The following CADPS2 variants were observed in gnomAD, a reference collection of about 807,000 sequenced individuals.
CADPS2 encodes the protein calcium dependent secretion activator 2.
Under a neutral mutation model 172.5 loss-of-function variants are expected in CADPS2, and 93 were observed. That is an observed-to-expected ratio of 0.54 (90% CI 0.46 to 0.64). The LOEUF is 0.64. Among genes scored for constraint, CADPS2 ranks in the 30% least tolerant of loss-of-function variants. CADPS2 has a pLI of 0.00. For synonymous variants in CADPS2, 546 were observed against 555.2 expected (o/e 0.98, Z 0.23); for missense variants, 1,420 against 1,565.9 (o/e 0.91, Z 1.57).
chr7:122,814,874 T>C (rs1343549535), intron 1 of CADPS2, among the ~76,000 whole-genome samples: 1 of 152,164 alleles, frequency 6.6e-6, no homozygotes, highest in East Asian at 1.9e-4. Context: ...ATGTACATTG[T>C]TTCATTAAAT....
intron 5 of CADPS2, 114 bp downstream of exon 5, chr7:122,621,367 C>A: frequency 1.4e-6 from 1 of 711,870 alleles, no homozygotes; most frequent in South Asian, 2.0e-5. Flanking sequence ...AATTTAACAT[C>A]TCCAACATAT....
chr7:122,584,161 T>C (rs1000680453), intron 6 of CADPS2, among the ~76,000 whole-genome samples: 3 of 151,556 alleles, frequency 2.0e-5, no homozygotes, highest in African/African-American at 4.8e-5. Context: ...ATTTTTATTA[T>C]CTGAAAGAGT....
At chr7:122,445,053 C>G (rs2051964133) in intron 15 of CADPS2, among the ~76,000 whole-genome samples, 1 of 152,186 alleles carries the variant, frequency 6.6e-6, no homozygotes, top group Non-Finnish European at 1.5e-5. Flanking sequence ...TGAAAATCAA[C>G]AGACCATATA....
intron 1 of CADPS2, among the ~76,000 whole-genome samples, chr7:122,872,568 C>T (rs938694382): frequency 1.3e-5 from 2 of 151,978 alleles, no homozygotes; most frequent in African/African-American, 4.8e-5. Context: ...AAAGTGTAGG[C>T]TAAAGTTGTC....
chr7:122,622,710 G>A lies in CADPS2; in HGVS notation c.868-993C>T, dbSNP rs142029135. ...TAAGCCTAGTTTAAAATGACCACCA[G>A]TGCACAGAACCGGCTGGAGGATGAA... On this transcript the variant is annotated intron_variant, in intron 4 of 29. Transcript: ENST00000449022. 2.0e-3 allele frequency among the ~76,000 whole-genome samples: 301 copies of A among 152,288 alleles called. 1 individual carries two copies. The highest frequency in any genetic ancestry group is 0.014 in the Middle Eastern group (4 of 294).
intron 23 of CADPS2, 105 bp downstream of exon 23, chr7:122,388,478 G>T: frequency 8.9e-7 from 1 of 1,117,840 alleles, no homozygotes; most frequent in Non-Finnish European, 1.2e-6. Flanking sequence ...GAATAGTGGT[G>T]CATAATGAAA....
At chr7:122,551,360 T>C (rs2064263297) in intron 8 of CADPS2, among the ~76,000 whole-genome samples, 1 of 152,070 alleles carries the variant, frequency 6.6e-6, no homozygotes, top group Non-Finnish European at 1.5e-5. Context: ...TTAATATCTA[T>C]CTCTGATTAT....
chr7:122,615,176 C>T lies in CADPS2; in HGVS notation c.1223+5G>A. 1 of 1,499,262 alleles carries T rather than the reference C, an allele frequency of 6.7e-7. No individual in the cohort carries two copies. Among genetic ancestry groups the T allele is most frequent in the Non-Finnish European group, 9.0e-7 (1 of 1,107,060 alleles). The allele number at this position is 1,499,262 out of a possible 1,614,324, so 92.9% of individuals were successfully genotyped here. On this transcript the variant is annotated splice_donor_5th_base_variant and intron_variant, in intron 6 of 29. Transcript: ENST00000449022. ...ACAATAATACACTTTTTTCAACTGG[C>T]TTACTGTGGCCTTGAGGCTTCGGCC...
intron 27 of CADPS2, among the ~76,000 whole-genome samples, chr7:122,353,564 G>A (rs561200771): frequency 6.6e-6 from 1 of 152,284 alleles, no homozygotes; most frequent in East Asian, 1.9e-4. Flanking sequence ...GAGTTGGTAT[G>A]CAGCGTGTGT....
At chr7:122,396,105 T>C (rs1020090295) in intron 20 of CADPS2, among the ~76,000 whole-genome samples, 3 of 152,100 alleles carry the variant, frequency 2.0e-5, no homozygotes, top group Non-Finnish European at 2.9e-5. Flanking sequence ...CTACTGCGCC[T>C]GGCTAGAACT....
At chr7:122,813,307 A>C (rs1239506204) in intron 1 of CADPS2, among the ~76,000 whole-genome samples, 1 of 152,102 alleles carries the variant, frequency 6.6e-6, no homozygotes, top group African/African-American at 2.4e-5. Flanking sequence ...GAAAAGGAAC[A>C]AACACTTTAA....
At position 122,615,262 on chromosome 7, in the gene CADPS2, G is replaced by C. The variant is rs1462475829; in HGVS notation, c.1142C>G (p.Ala381Gly). 1 of 1,554,402 alleles carries C rather than the reference G, an allele frequency of 6.4e-7. No homozygotes were observed. Among genetic ancestry groups the C allele is most frequent in the South Asian group, 1.2e-5 (1 of 83,992 alleles). ...IMEVQGLKSV[A>G]PNRIVYCTME... The stretch of plus-strand genomic sequence containing the variant: ...TGTACAGTAAACAATTCGATTGGGA[G>C]CAACTGACTTCAGGCCTTGCACTTC... The change falls in exon 6 of 30, where the codon GCT (alanine) becomes GGT (glycine). Residue 381 changes from alanine to glycine, a missense_variant. Ala to Gly is a moderately conservative substitution (Grantham distance 60, BLOSUM62 0). Coordinates refer to ENST00000449022, the MANE Select transcript of CADPS2 (RefSeq NM_017954.11).
At position 122,707,051 on chromosome 7, in the gene CADPS2, T is replaced by C. The variant is rs1026556572; in HGVS notation, c.453+29904A>G. ...AAGGGTGAAGATTTGAATGCTGTGTTACTAAGGGGAAAGACATGAACCAGA... is the reference window on the plus strand; with the variant it reads ...AAGGGTGAAGATTTGAATGCTGTGTCACTAAGGGGAAAGACATGAACCAGA... On this transcript the variant is annotated intron_variant, in intron 2 of 29. Transcript: ENST00000449022. Among the ~76,000 whole-genome samples the C allele has an allele frequency of 7.2e-5, 11 of 151,774 alleles. 1 individual carries two copies. In the Admixed American group the frequency reaches 7.3e-4, roughly 10 times the overall value.
intron 3 of CADPS2, among the ~76,000 whole-genome samples, chr7:122,638,928 G>A (rs1396301554): frequency 2.0e-5 from 3 of 152,090 alleles, no homozygotes; most frequent in African/African-American, 4.8e-5. Flanking sequence ...TCCTCTCCAC[G>A]AGAGCAGTAC....
chr7:122,427,731 C>CT (rs960703794), intron 17 of CADPS2, among the ~76,000 whole-genome samples: 32 of 149,318 alleles, frequency 2.1e-4, no homozygotes, highest in Admixed American at 9.4e-4. Flanking sequence ...TTAGATAACA[C>CT]TTTTTTTTTT....
chr7:122,401,928 T>C (rs2046004314), intron 20 of CADPS2, among the ~76,000 whole-genome samples: 1 of 152,094 alleles, frequency 6.6e-6, no homozygotes. Context: ...CCGCATTTCA[T>C]CTCCAAGGGT....
intron 7 of CADPS2, among the ~76,000 whole-genome samples, chr7:122,579,444 G>A (rs2068501307): frequency 1.0e-5 from 1 of 100,230 alleles, no homozygotes; most frequent in Non-Finnish European, 1.9e-5. Flanking sequence ...ATATAAAATT[G>A]CATCGAATAT....
intron 2 of CADPS2, among the ~76,000 whole-genome samples, chr7:122,692,526 T>TG (rs1162902963): frequency 2.0e-5 from 3 of 152,204 alleles, no homozygotes; most frequent in African/African-American, 7.2e-5. Context: ...ACCTGTCTAC[T>TG]GCCTCCCACG....
At chr7:122,580,315 C>T (rs2068628069) in intron 7 of CADPS2, among the ~76,000 whole-genome samples, 1 of 151,710 alleles carries the variant, frequency 6.6e-6, no homozygotes, top group Admixed American at 6.6e-5. Context: ...TTTAGCCAGG[C>T]AAGGTGGTAT....
Sources: allele counts gnomAD v4.1 joint callset (sites outside exome capture counted in the v4.1 genomes callset), GRCh38; gene constraint gnomAD v4.1.1; transcripts MANE v1.5; gene names NCBI Gene and HGNC (gene_info 2026-07-23, HGNC 2026-07-21).